The following COPS6 variants were observed in gnomAD, a reference collection of about 807,000 sequenced individuals.
COPS6 encodes COP9 signalosome complex subunit 6.
In COPS6, 9 loss-of-function variants were observed where a neutral mutation model predicts 41.0. The observed-to-expected ratio is 0.22, with a 90% CI of 0.13 to 0.38. The LOEUF (loss-of-function observed/expected upper bound fraction) is 0.38, where lower values mean the gene tolerates loss of function less well. Among genes scored for constraint, COPS6 ranks in the 10% least tolerant of loss-of-function variants. The pLI is 1.00. For synonymous variants in COPS6, 179 were observed against 162.9 expected (o/e 1.10, Z -0.75); for missense variants, 302 against 436.7 (o/e 0.69, Z 2.75).
chr7:100,089,137 G>A (rs1795275802), intron 1 of COPS6, 71 bp downstream of exon 1: 3 of 1,471,968 alleles, frequency 2.0e-6, no homozygotes, highest in Middle Eastern at 1.8e-4. Flanking sequence ...CTGTGCTCCC[G>A]GGAGAAGGGA....
chr7:100,090,463 C>T lies in COPS6; in HGVS notation c.399C>T (p.Pro133=). 1 of 1,614,122 alleles carries T rather than the reference C, an allele frequency of 6.2e-7. No homozygotes were observed. The highest frequency in any genetic ancestry group is 8.5e-7 in the Non-Finnish European group (1 of 1,179,972). ...ATACCACAGGGGGGCCACCTGACCC[C>T]TCGGACATCCACGTCCATAAGCAGG... is the stretch of plus-strand genomic sequence containing the variant. The part of the protein sequence containing the change: ...GWYTTGGPPD[P]SDIHVHKQVC... The change falls in exon 4 of 10, where the codon CCC becomes CCT. Residue 133 remains proline (P), a synonymous_variant. Transcript: ENST00000303904.
In COPS6 at chr7:100,089,372, C is replaced by T; in HGVS notation, c.159C>T (p.Asp53=). The T allele has an allele frequency of 1.2e-6, 2 of 1,614,108 alleles. No individual in the cohort carries two copies. Among genetic ancestry groups the T allele is most frequent in the Non-Finnish European group, 1.7e-6 (2 of 1,180,012 alleles). The change falls in exon 2 of 10, where the codon GAC becomes GAT. Residue 53 remains aspartate (D), a synonymous_variant. Coordinates refer to ENST00000303904, the MANE Select transcript of COPS6 (RefSeq NM_006833.5). ...LHPLVILNIS[D]HWIRMRSQEG... is the part of the protein sequence containing the mutation. ...CCCTTGTCATTCTCAACATCTCAGA[C>T]CACTGGATCCGCATGCGCTCCCAGG...
Position 100,091,383 on chromosome 7 carries a change from G to A in COPS6, c.743-37G>A, listed in dbSNP as rs200785489. On this transcript the variant is annotated intron_variant, in intron 8 of 9. Coordinates refer to ENST00000303904, the MANE Select transcript of COPS6 (RefSeq NM_006833.5). This position sits in a 1 kb window ranked among gnomAD's most constrained non-coding sequence, Gnocchi z 4.1. ...TCCTCTCCCTCCTGGGGAAGTGACA[G>A]CATCCAAACTAATGTAGTCTCTTTT... 41 of 1,612,372 alleles carry A rather than the reference G, an allele frequency of 2.5e-5. 1 individual carries two copies. In the South Asian group the frequency reaches 3.1e-4, roughly 12 times the overall value.
intron 3 of COPS6, 107 bp from the exon 4 acceptor site, chr7:100,090,292 G>A: frequency 1.3e-6 from 1 of 775,516 alleles, no homozygotes; most frequent in Non-Finnish European, 2.1e-6. Context: ...AGGTTGTGGT[G>A]AGCTGAGATC....
Position 100,090,904 on chromosome 7 carries a change from T to G in COPS6, c.489T>G (p.Leu163=). ...AGGTTTCTCCGTCTCCTTCACAGCT[T>G]CCTGTCAGCGTTTTTGAGTCTGTCA... The part of the protein sequence containing the change: ...KLNPMTKHTD[L]PVSVFESVID... The change falls in exon 6 of 10, where the codon CTT becomes CTG. Residue 163 remains leucine, a splice_region_variant and synonymous_variant. Coordinates refer to ENST00000303904, the MANE Select transcript of COPS6 (RefSeq NM_006833.5). The G allele has an allele frequency of 6.2e-7, 1 of 1,614,204 alleles. No individual in the cohort carries two copies. Among genetic ancestry groups the G allele is most frequent in the Non-Finnish European group, 8.5e-7 (1 of 1,180,028 alleles).
In COPS6 at chr7:100,089,008, G is replaced by GGCGGCT. The variant is rs1795273198; in HGVS notation, c.21_26dup (p.Ala9_Ala10dup). On this transcript the variant is annotated inframe_insertion, in exon 1 of 10. Transcript: ENST00000303904. ...CGGGGAAAATGGCGGCGGCGGCGGC[G>GGCGGCT]GCGGCTGCAGCTACGAACGGGACCG... 1 of 1,311,712 alleles carries GGCGGCT rather than the reference G, an allele frequency of 7.6e-7. No individual in the cohort carries two copies. Among genetic ancestry groups the GGCGGCT allele is most frequent in the South Asian group, 2.6e-5 (1 of 38,782 alleles). The allele number at this position is 1,311,712 out of a possible 1,614,324, so 81.3% of individuals were successfully genotyped here. A position where few individuals can be genotyped will look rare whatever the true frequency, so the allele number is the denominator to read the frequency against.
chr7:100,088,999 G>A lies in COPS6; in HGVS notation c.9G>A (p.Ala3=), dbSNP rs1272522231. MA[A]AAAAAAATNG... ...TGGCGGGCGCGGGGAAAATGGCGGC[G>A]GCGGCGGCGGCGGCTGCAGCTACGA... Residue 3 remains alanine (A), a synonymous_variant, in exon 1 of 10, where the codon GCG becomes GCA. Coordinates refer to ENST00000303904, the MANE Select transcript of COPS6 (RefSeq NM_006833.5). 4 of 1,310,432 alleles carry A rather than the reference G, an allele frequency of 3.1e-6. No homozygotes were observed. In the South Asian group the frequency reaches 7.8e-5, roughly 25 times the overall value. 81.2% of individuals were successfully genotyped at this position (1,310,432 alleles called of 1,614,324 possible). A position where few individuals can be genotyped will look rare whatever the true frequency, so the allele number is the denominator to read the frequency against.
intron 5 of COPS6, 80 bp from the exon 6 acceptor site, chr7:100,090,822 G>A (rs1349421682): frequency 6.5e-7 from 1 of 1,540,314 alleles, no homozygotes; most frequent in East Asian, 2.2e-5. Context: ...TGGTTTCTTG[G>A]GAAGATGAGA....
intron 4 of COPS6, 29 bp from the exon 5 acceptor site, chr7:100,090,563 A>G (rs763548069): frequency 5.0e-6 from 8 of 1,611,800 alleles, no homozygotes; most frequent in Non-Finnish European, 2.5e-6. Context: ...GGGGGCACTG[A>G]CTTCCTGTGC....
In COPS6 at chr7:100,089,628, G is replaced by C. The variant is rs371283537; in HGVS notation, c.216G>C (p.Leu72=). 2.0e-5 allele frequency: 32 copies of C among 1,613,142 alleles called. No individual in the cohort carries two copies. Among genetic ancestry groups the C allele is most frequent in the Non-Finnish European group, 2.5e-5 (29 of 1,179,764 alleles). Residue 72 remains leucine (L), a synonymous_variant, in exon 3 of 10, where the codon CTG becomes CTC. Transcript: ENST00000303904. ...EGRPVQVIGA[L]IGKQEGRNIE... ...TCTCTTTCCCAGTGATTGGGGCTCT[G>C]ATTGGCAAGCAGGAGGGCCGAAATA... is the stretch of plus-strand genomic sequence containing the variant.
At position 100,091,031 on chromosome 7, in the gene COPS6, C is replaced by T. The variant is rs765475138; in HGVS notation, c.535-7C>T. On this transcript the variant is annotated splice_polypyrimidine_tract_variant and splice_region_variant and intron_variant, in intron 6 of 9. Transcript: ENST00000303904. The surrounding 1 kb of genome is among the most constrained non-coding windows in gnomAD (Gnocchi z 4.1). ...ATTCTCCCTTTGTGGGTTACCTTGC[C>T]CTGTAGGCCACAATGCTGTTTGCTG... is the stretch of plus-strand genomic sequence containing the variant. The T allele has an allele frequency of 3.3e-5, 54 of 1,614,002 alleles. No individual in the cohort carries two copies. The highest frequency in any genetic ancestry group is 3.3e-4 in the Middle Eastern group (2 of 6,084).
Position 100,089,397 on chromosome 7 carries a change from G to C in COPS6, c.184G>C (p.Glu62Gln). The C allele has an allele frequency of 6.2e-7, 1 of 1,614,082 alleles. No individual in the cohort carries two copies. Among genetic ancestry groups the C allele is most frequent in the Non-Finnish European group, 8.5e-7 (1 of 1,180,028 alleles). The change falls in exon 2 of 10, where the codon GAG becomes CAG. Residue 62 changes from glutamate to glutamine, a missense_variant. Physicochemically the swap from Glu to Gln is conservative, Grantham distance 29 (BLOSUM62 2). Transcript: ENST00000303904. Reference protein sequence around the residue: ...SDHWIRMRSQEGRPVQVIGAL... With the variant: ...SDHWIRMRSQQGRPVQVIGAL... ...CCACTGGATCCGCATGCGCTCCCAGGAGGGGCGGCCTGTGCAGGGTGAGTG... is the reference window on the plus strand; with the variant it reads ...CCACTGGATCCGCATGCGCTCCCAGCAGGGGCGGCCTGTGCAGGGTGAGTG...
At position 100,091,815 on chromosome 7, in the gene COPS6, CAG is replaced by C. The variant is rs764128718; in HGVS notation, c.*27_*28del. On this transcript the variant is annotated 3_prime_UTR_variant, in exon 10 of 10. Coordinates refer to ENST00000303904, the MANE Select transcript of COPS6 (RefSeq NM_006833.5). This position sits in a 1 kb window ranked among gnomAD's most constrained non-coding sequence, Gnocchi z 4.1. ...TGAGGGTACTTGAAGGGCTGATGGA[CAG>C]GGGTCAGGCAACTATCCCAAAGGGG... The C allele has an allele frequency of 1.5e-5, 24 of 1,613,828 alleles. No homozygotes were observed. Among genetic ancestry groups the C allele is most frequent in the African/African-American group, 2.7e-5 (2 of 74,926 alleles).
Position 100,091,387 on chromosome 7 carries a change from C to T in COPS6, c.743-33C>T, listed in dbSNP as rs1223208885. The T allele has an allele frequency of 1.2e-6, 2 of 1,612,758 alleles. No individual in the cohort carries two copies. Among genetic ancestry groups the T allele is most frequent in the African/African-American group, 1.3e-5 (1 of 74,906 alleles). ...CTCCCTCCTGGGGAAGTGACAGCAT[C>T]CAAACTAATGTAGTCTCTTTTTGTG... is the stretch of plus-strand genomic sequence containing the variant. On this transcript the variant is annotated intron_variant, in intron 8 of 9. Transcript: ENST00000303904. The surrounding 1 kb of genome is among the most constrained non-coding windows in gnomAD (Gnocchi z 4.1).
rs771551981 is a variant in COPS6, at chr7:100,090,580, CCT to C, written c.424-7_424-6del. On this transcript the variant is annotated splice_polypyrimidine_tract_variant and intron_variant, in intron 4 of 9. Coordinates refer to ENST00000303904, the MANE Select transcript of COPS6 (RefSeq NM_006833.5). Reference sequence around the variant, plus strand: ...GGGCACTGACTTCCTGTGCATTGTCCCTCTCTTCCAGGTGTGTGAGATCATCG... The same window carrying C: ...GGGCACTGACTTCCTGTGCATTGTCCCTCTTCCAGGTGTGTGAGATCATCG... 52 of 1,613,832 alleles carry C rather than the reference CCT, an allele frequency of 3.2e-5. No individual in the cohort carries two copies. Among genetic ancestry groups the C allele is most frequent in the Non-Finnish European group, 4.2e-5 (49 of 1,179,884 alleles).
In COPS6 at chr7:100,089,190, G is replaced by C. The variant is rs1364147454; in HGVS notation, c.77-100G>C. 2.0e-6 allele frequency: 3 copies of C among 1,529,278 alleles called. No homozygotes were observed. The East Asian group carries it at 6.9e-5, about 35-fold the overall frequency. The allele number at this position is 1,529,278 out of a possible 1,614,324, so 94.7% of individuals were successfully genotyped here. A position where few individuals can be genotyped will look rare whatever the true frequency, so the allele number is the denominator to read the frequency against. On this transcript the variant is annotated intron_variant, in intron 1 of 9. Coordinates refer to ENST00000303904, the MANE Select transcript of COPS6 (RefSeq NM_006833.5). The stretch of plus-strand genomic sequence containing the variant: ...CATCTTTCCCTGGGATAAGTTACGG[G>C]AGGAAAGTGTGGCCCGGGCTCCGCC...
At position 100,091,536 on chromosome 7, in the gene COPS6, G is replaced by C. The variant is rs113017856; in HGVS notation, c.843+16G>C. The stretch of plus-strand genomic sequence containing the variant: ...TTTTTATGATGTGAGTGTAAAACCC[G>C]GATGGGGAGGCGGGGCTTATGCTGT... On this transcript the variant is annotated intron_variant, in intron 9 of 9. Coordinates refer to ENST00000303904, the MANE Select transcript of COPS6 (RefSeq NM_006833.5). The surrounding 1 kb of genome is among the most constrained non-coding windows in gnomAD (Gnocchi z 4.1). 2.5e-6 allele frequency: 4 copies of C among 1,613,926 alleles called. No individual in the cohort carries two copies. The highest frequency in any genetic ancestry group is 2.5e-6 in the Non-Finnish European group (3 of 1,179,800).
chr7:100,090,691 C>T (rs376025122), intron 5 of COPS6, 37 bp downstream of exon 5: 7 of 1,591,570 alleles, frequency 4.4e-6, no homozygotes, highest in Middle Eastern at 1.7e-4. Flanking sequence ...TCATGATTGT[C>T]GCTATACCTT....
chr7:100,089,093 C>T (rs2116534457), intron 1 of COPS6, 27 bp downstream of exon 1: 6 of 1,424,184 alleles, frequency 4.2e-6, no homozygotes, highest in Non-Finnish European at 5.5e-6. Flanking sequence ...GGGTGGCTTC[C>T]GGAGACCTCC....
Sources: allele counts gnomAD v4.1 joint callset, GRCh38; gene constraint gnomAD v4.1.1; non-coding constraint Gnocchi (gnomAD v3.1); transcripts MANE v1.5; gene names NCBI Gene and HGNC (gene_info 2026-07-23, HGNC 2026-07-21).